The following MAEL variants were observed in gnomAD, a reference collection of about 807,000 sequenced individuals.
MAEL encodes the protein maelstrom spermatogenic transposon silencer.
A neutral mutation model predicts 62.0 loss-of-function variants in MAEL; 46 were observed. The ratio of observed to expected loss-of-function variants is 0.74; its 90% CI spans 0.59 to 0.95. The LOEUF (loss-of-function observed/expected upper bound fraction) is 0.95, where lower values mean the gene tolerates loss of function less well. Ranked by LOEUF, MAEL falls within the 40% of genes least tolerant of loss-of-function variation. The probability of loss-of-function intolerance (pLI) is 0.00; values close to 1 mark genes in which losing one functional copy is unlikely to be tolerated. For synonymous variants in MAEL, 172 were observed against 175.5 expected, an observed-to-expected ratio of 0.98 and a Z score of 0.16; for missense variants, 497 against 526.8, an observed-to-expected ratio of 0.94 and a Z score of 0.55.
intron 3 of MAEL, among the ~76,000 whole-genome samples, chr1:166,991,771 A>G (rs1664184739): frequency 6.6e-6 from 1 of 152,170 alleles, no homozygotes; most frequent in South Asian, 2.1e-4. Flanking sequence ...TACTTAAGTT[A>G]AAAACAAAAG....
chr1:166,977,328 A>G (rs1663623733), intron 1 of MAEL, among the ~76,000 whole-genome samples: 2 of 152,222 alleles, frequency 1.3e-5, no homozygotes, highest in South Asian at 4.1e-4. Flanking sequence ...ACAGAAAAAT[A>G]AAAATATAGG....
At chr1:166,986,539 T>C (rs1202325640), upstream of MAEL, among the ~76,000 whole-genome samples, 1 of 152,162 alleles carries the variant, frequency 6.6e-6, no homozygotes, top group East Asian at 1.9e-4. Flanking sequence ...GATAAAAATG[T>C]AAGTTTTAAA....
chr1:166,995,401 G>A (rs1031671804), intron 5 of MAEL, among the ~76,000 whole-genome samples: 9 of 151,876 alleles, frequency 5.9e-5, no homozygotes, highest in African/African-American at 9.7e-5. Context: ...CACCACACCC[G>A]GCTACTTTTG....
chr1:166,988,214 T>C (rs1387782703), upstream of MAEL, among the ~76,000 whole-genome samples: 1 of 151,814 alleles, frequency 6.6e-6, no homozygotes, highest in African/African-American at 2.4e-5. Flanking sequence ...CAGGGCCTGG[T>C]GGTGTGCACC....
chr1:167,005,373 T>C lies in MAEL; in HGVS notation c.821T>C (p.Met274Thr), dbSNP rs1664849820. ...ATTCGAAGCCTCCTAGATGTGGCCA[T>C]GTGGGATTATTCTAGCAACACAAGG... ...TWIRSLLDVAMWDYSSNTRCK... is the reference protein window; with the variant it reads ...TWIRSLLDVATWDYSSNTRCK... Residue 274 changes from methionine (M) to threonine (T), a missense_variant, in exon 8 of 12, where the codon ATG becomes ACG. Coordinates refer to ENST00000367872, the MANE Select transcript of MAEL (RefSeq NM_032858.3). 3.1e-6 allele frequency: 5 copies of C among 1,611,426 alleles called. No homozygotes were observed. Among genetic ancestry groups the C allele is most frequent in the Non-Finnish European group, 4.2e-6 (5 of 1,178,940 alleles).
At chr1:166,994,767 T>C (rs1030680182) in intron 5 of MAEL, among the ~76,000 whole-genome samples, 1 of 151,204 alleles carries the variant, frequency 6.6e-6, no homozygotes, top group Admixed American at 6.6e-5. Context: ...CCTCCTTGGT[T>C]CAAGCAATTC....
chr1:166,990,985 C>T (rs909054789), intron 2 of MAEL, among the ~76,000 whole-genome samples: 3 of 152,180 alleles, frequency 2.0e-5, no homozygotes, highest in African/African-American at 7.2e-5. Flanking sequence ...TGTATGTGTA[C>T]CTCATGTGAG....
intron 1 of MAEL, among the ~76,000 whole-genome samples, chr1:166,979,168 A>C (rs1663683363): frequency 6.6e-6 from 1 of 152,232 alleles, no homozygotes; most frequent in Admixed American, 6.5e-5. Context: ...TTTAAAGCAC[A>C]CAGATAAAAT....
chr1:166,979,369 A>AT (rs1663690827), intron 1 of MAEL, among the ~76,000 whole-genome samples: 1 of 151,994 alleles, frequency 6.6e-6, no homozygotes, highest in Non-Finnish European at 1.5e-5. Context: ...AGTTAAAAAA[A>AT]AAACTAAATT....
At chr1:166,988,701 A>G (rs913174738), upstream of MAEL, among the ~76,000 whole-genome samples, 1 of 152,228 alleles carries the variant, frequency 6.6e-6, no homozygotes, top group Non-Finnish European at 1.5e-5. Context: ...ATTGTTAATT[A>G]GGAATAAAAT....
At chr1:166,978,466 A>G (rs1264335190) in intron 1 of MAEL, among the ~76,000 whole-genome samples, 2 of 152,214 alleles carry the variant, frequency 1.3e-5, no homozygotes, top group African/African-American at 4.8e-5. Context: ...TTATTTTGCC[A>G]TATTGGTGGT....
At position 167,022,156 on chromosome 1, in the gene MAEL, T is replaced by G. The variant is rs1042140845; in HGVS notation, c.*301T>G. ...TTGTACTTTTGGGAATGTTATAGAT[T>G]GATCATTCTTTCTCCTGATAATAAA... On this transcript the variant is annotated 3_prime_UTR_variant, in exon 12 of 12. Transcript: ENST00000367872. The G allele has an allele frequency of 1.3e-5, 3 of 237,034 alleles. No individual in the cohort carries two copies. Among genetic ancestry groups the G allele is most frequent in the African/African-American group, 6.8e-5 (3 of 44,332 alleles). The allele number at this position is 237,034 out of a possible 1,614,324, so 14.7% of individuals were successfully genotyped here.
At chr1:167,017,332 A>G (rs1474532431) in intron 9 of MAEL, among the ~76,000 whole-genome samples, 4 of 152,160 alleles carry the variant, frequency 2.6e-5, no homozygotes, top group African/African-American at 9.6e-5. Context: ...TTTTCTATCC[A>G]TGTCACCTCT....
intron 5 of MAEL, 55 bp from the exon 6 acceptor site, chr1:167,004,125 C>T (rs756317686): frequency 9.6e-5 from 145 of 1,510,192 alleles, no homozygotes; most frequent in Non-Finnish European, 1.3e-4. Flanking sequence ...TCTATACCTA[C>T]CCCATAATAT....
intron 8 of MAEL, among the ~76,000 whole-genome samples, chr1:167,009,561 A>T (rs1277563642): frequency 1.3e-5 from 2 of 151,220 alleles, no homozygotes; most frequent in Non-Finnish European, 2.9e-5. Context: ...AGCCCTTTCA[A>T]TATGCAGAAT....
At chr1:167,016,064 C>A in intron 8 of MAEL, 158 bp from the exon 9 acceptor site, 2 of 672,600 alleles carry the variant, frequency 3.0e-6, no homozygotes, top group South Asian at 1.7e-5. Context: ...GAGAATGTAG[C>A]ATTAAAATCT....
At chr1:166,997,583 A>G (rs1664484012) in intron 5 of MAEL, among the ~76,000 whole-genome samples, 1 of 152,166 alleles carries the variant, frequency 6.6e-6, no homozygotes, top group Admixed American at 6.5e-5. Flanking sequence ...AGGCTGGAGC[A>G]TGATGGCTGT....
chr1:166,992,767 C>G lies in MAEL; in HGVS notation c.407C>G (p.Pro136Arg). 1 of 1,611,346 alleles carries G rather than the reference C, an allele frequency of 6.2e-7. No individual in the cohort carries two copies. The highest frequency in any genetic ancestry group is 8.5e-7 in the Non-Finnish European group (1 of 1,178,972). The change falls in exon 4 of 12, where the codon CCT becomes CGT. Residue 136 changes from proline (P) to arginine (R), a missense_variant. Physicochemically the swap from Pro to Arg is moderately radical, Grantham distance 103. Transcript: ENST00000367872. ...LPPHCEQRFL[P>R]CEIGCVKYSL... ...CCTCATTGTGAACAGCGCTTCCTCCCTTGTGAAATTGGCTGTGTTAAGTAT... is the reference window on the plus strand; with the variant it reads ...CCTCATTGTGAACAGCGCTTCCTCCGTTGTGAAATTGGCTGTGTTAAGTAT...
At chr1:166,983,768 G>A (rs1166355353) in intron 1 of MAEL, among the ~76,000 whole-genome samples, 1 of 152,062 alleles carries the variant, frequency 6.6e-6, no homozygotes, top group Non-Finnish European at 1.5e-5. Context: ...TTGAGAGGCT[G>A]AGACAGGCAG....
Sources: gnomAD v4.1 joint callset for allele counts (sites outside exome capture counted in the v4.1 genomes callset) on GRCh38, gnomAD v4.1.1 for gene constraint, MANE v1.5 for transcripts, NCBI Gene and HGNC (gene_info 2026-07-23, HGNC 2026-07-21) for gene names.